The following PSG1 variants were observed in gnomAD, a reference collection of about 807,000 sequenced individuals.
PSG1 encodes the protein pregnancy specific beta-1-glycoprotein 1.
Under a neutral mutation model 41.4 loss-of-function variants are expected in PSG1, and 60 were observed. That is an observed-to-expected ratio of 1.45 (90% CI 1.18 to 1.80). The LOEUF (loss-of-function observed/expected upper bound fraction) is 1.80. Ranked by LOEUF, PSG1 falls within the 40% of genes most tolerant of loss-of-function variation. The probability of loss-of-function intolerance (pLI) is 0.00; values close to 1 mark genes in which losing one functional copy is unlikely to be tolerated. For missense variants in PSG1, 806 were observed against 516.9 expected, an observed-to-expected ratio of 1.56 and a Z score of -5.42; for synonymous variants, 256 against 192.9, an observed-to-expected ratio of 1.33 and a Z score of -2.71.
chr19:42,874,546 C>T lies in PSG1; in HGVS notation c.431-2501G>A, dbSNP rs184846201. On this transcript the variant is annotated intron_variant, in intron 2 of 5. Transcript: ENST00000436291. ...CATTTTTAGTAGAGACGGGGTTTCA[C>T]CATGTTAGCCAGGATGGTCTCTATC... 1.4e-4 allele frequency among the ~76,000 whole-genome samples: 21 copies of T among 151,770 alleles called. 1 individual carries two copies. The highest frequency in any genetic ancestry group is 5.1e-4 in the African/African-American group (21 of 41,382).
intron 1 of PSG1, among the ~76,000 whole-genome samples, chr19:42,878,893 A>G (rs1243635851): frequency 6.6e-6 from 1 of 151,172 alleles, no homozygotes; most frequent in East Asian, 2.0e-4. Context: ...TTTTTCCCCC[A>G]ATTGTTGAGG....
rs767240715 is a variant in PSG1, at chr19:42,871,859, C to A, written c.617G>T (p.Gly206Val). ...SETNRTLFLLGVTKYTAGPYE... is the reference protein window; with the variant it reads ...SETNRTLFLLVVTKYTAGPYE... ...GGGTCCTGCAGTATACTTTGTGACACCCAATAGAAAGAGGGTCCTGTTGGT... is the reference window on the plus strand; with the variant it reads ...GGGTCCTGCAGTATACTTTGTGACAACCAATAGAAAGAGGGTCCTGTTGGT... The change falls in exon 3 of 6, where the codon GGT becomes GTT. Residue 206 changes from glycine to valine, a missense_variant. Transcript: ENST00000436291. 4 of 1,612,478 alleles carry A rather than the reference C, an allele frequency of 2.5e-6. No homozygotes were observed. The South Asian group carries it at 3.3e-5, about 13-fold the overall frequency.
chr19:42,877,924 A>G lies in PSG1; in HGVS notation c.419T>C (p.Phe140Ser). ...GTRGVTGRFT[F>S]TLHLETPKPS... ...GTGGAATCACTTACGGTGTAAGGTG[A>G]AGGTGAAACGTCCAGTTACTCCTCT... is the stretch of plus-strand genomic sequence containing the variant. Residue 140 changes from phenylalanine (F) to serine (S), a missense_variant, in exon 2 of 6, where the codon TTC becomes TCC. Physicochemically the swap from Phe to Ser is radical, Grantham distance 155. Transcript: ENST00000436291. 21 of 1,612,138 alleles carry G rather than the reference A, an allele frequency of 1.3e-5. 1 individual carries two copies. Among genetic ancestry groups the G allele is most frequent in the Non-Finnish European group, 1.8e-5 (21 of 1,179,008 alleles).
At position 42,868,938 on chromosome 19, in the gene PSG1, T is replaced by C; in HGVS notation, c.806A>G (p.Tyr269Cys). 5 of 1,610,608 alleles carry C rather than the reference T, an allele frequency of 3.1e-6. No homozygotes were observed. Among genetic ancestry groups the C allele is most frequent in the East Asian group, 2.2e-5 (1 of 44,810 alleles). ...NFTCEPKSEN[Y>C]TYIWWLNGQS... is the part of the protein sequence containing the mutation. Reference sequence around the variant, plus strand: ...ACCATTTAGCCACCAAATGTAGGTGTAGTTCTCACTCTTAGGTTCACAGGT... The same window carrying C: ...ACCATTTAGCCACCAAATGTAGGTGCAGTTCTCACTCTTAGGTTCACAGGT... The change falls in exon 4 of 6, where the codon TAC becomes TGC. Residue 269 changes from tyrosine (Y) to cysteine (C), a missense_variant. Transcript: ENST00000436291.
At position 42,866,662 on chromosome 19, in the gene PSG1, T is replaced by C. The variant is rs1426722725; in HGVS notation, c.*472A>G. 6.6e-6 allele frequency: 2 copies of C among 301,540 alleles called. No individual in the cohort carries two copies. Among genetic ancestry groups the C allele is most frequent in the Admixed American group, 4.5e-5 (1 of 22,190 alleles). 18.7% of individuals were successfully genotyped at this position (301,540 alleles called of 1,614,324 possible). On this transcript the variant is annotated 3_prime_UTR_variant, in exon 6 of 6. Coordinates refer to ENST00000436291, the MANE Select transcript of PSG1 (RefSeq NM_001184825.2). ...GGCAATATCTCTGTGTTCATTTCTA[T>C]TGGGAGCCCTGTATGCAAGGTGGAG...
At chr19:42,873,373 T>A (rs1429422379) in intron 2 of PSG1, among the ~76,000 whole-genome samples, 1 of 151,854 alleles carries the variant, frequency 6.6e-6, no homozygotes, top group Admixed American at 6.6e-5. Flanking sequence ...GTGTTGAGTT[T>A]TGAGCATTTC....
At chr19:42,869,932 A>G (rs1971309266) in intron 3 of PSG1, 2 of 151,736 alleles carry the variant, frequency 1.3e-5, no homozygotes, top group African/African-American at 2.4e-5. Flanking sequence ...TTTGATGGAT[A>G]TGAGACAAAT....
At position 42,872,182 on chromosome 19, in the gene PSG1, C is replaced by T. The variant is rs1971422688; in HGVS notation, c.431-137G>A. Reference sequence around the variant, plus strand: ...AAGCCCATGGCAGGTGTGTGTGATACAAGACAGATGCATGGCAATCTGAGG... The same window carrying T: ...AAGCCCATGGCAGGTGTGTGTGATATAAGACAGATGCATGGCAATCTGAGG... On this transcript the variant is annotated intron_variant, in intron 2 of 5. Coordinates refer to ENST00000436291, the MANE Select transcript of PSG1 (RefSeq NM_001184825.2). 4.7e-6 allele frequency: 6 copies of T among 1,288,012 alleles called. No homozygotes were observed. In the East Asian group the frequency reaches 1.4e-4, roughly 31 times the overall value. The allele number at this position is 1,288,012 out of a possible 1,614,324, so 79.8% of individuals were successfully genotyped here.
rs1378506452 is a variant in PSG1, at chr19:42,868,104, A to G, written c.1240T>C (p.Ser414Pro). ...AACGATGCTGGGATCCACTTACCAG[A>G]GACTTCGACTGTCATGGATTTGGAG... The part of the protein sequence containing the change: ...ESSKSMTVEV[S>P]DWTVP Residue 414 changes from serine to proline, a missense_variant, in exon 5 of 6, where the codon TCT (serine) becomes CCT (proline). By Grantham distance (74) the Ser-to-Pro change is moderately conservative (BLOSUM62 -1). Coordinates refer to ENST00000436291, the MANE Select transcript of PSG1 (RefSeq NM_001184825.2). 5.0e-6 allele frequency: 8 copies of G among 1,612,350 alleles called. No individual in the cohort carries two copies. The highest frequency in any genetic ancestry group is 6.8e-6 in the Non-Finnish European group (8 of 1,179,124).
chr19:42,877,331 A>C (rs1971650416), intron 2 of PSG1, among the ~76,000 whole-genome samples: 3 of 151,608 alleles, frequency 2.0e-5, no homozygotes, highest in Admixed American at 6.6e-5. Context: ...TATCAGGTGA[A>C]GAAAGCTCTG....
chr19:42,876,378 G>A (rs893693651), intron 2 of PSG1, among the ~76,000 whole-genome samples: 1 of 151,374 alleles, frequency 6.6e-6, no homozygotes, highest in Non-Finnish European at 1.5e-5. Flanking sequence ...CATGAGGTGG[G>A]GTGGCTTTAG....
chr19:42,867,875 T>C (rs1971199004), intron 5 of PSG1: 1 of 1,375,704 alleles, frequency 7.3e-7, no homozygotes, highest in Non-Finnish European at 9.9e-7. Context: ...ATGAAATCAA[T>C]GTTCTTCCTG....
At chr19:42,872,883 A>T (rs1971454029) in intron 2 of PSG1, among the ~76,000 whole-genome samples, 1 of 151,878 alleles carries the variant, frequency 6.6e-6, no homozygotes. Flanking sequence ...AAGGGCGATC[A>T]TGAACTGATG....
At chr19:42,873,753 A>T (rs1236479267) in intron 2 of PSG1, among the ~76,000 whole-genome samples, 1 of 151,680 alleles carries the variant, frequency 6.6e-6, no homozygotes, top group Non-Finnish European at 1.5e-5. Context: ...GGGAGAAAGG[A>T]TGTCAAATTA....
chr19:42,878,955 G>A (rs1280703817), intron 1 of PSG1, among the ~76,000 whole-genome samples: 1 of 151,292 alleles, frequency 6.6e-6, no homozygotes, highest in African/African-American at 2.4e-5. Context: ...TATTTGAGGT[G>A]TCATCTGCTA....
rs187185149 is a variant in PSG1 at position 42,871,008 on chromosome 19, G to T, written c.709+759C>A. Among the ~76,000 whole-genome samples, 26 of 151,610 alleles carry T rather than the reference G, an allele frequency of 1.7e-4. No individual in the cohort carries two copies. In the East Asian group the frequency reaches 2.5e-3, roughly 15 times the overall value. ...AACATATTCCCTGTCCTGGGTTTTT[G>T]ATTTTCCCTCTCCCTTTGCAGAGGG... On this transcript the variant is annotated intron_variant, in intron 3 of 5. Coordinates refer to ENST00000436291, the MANE Select transcript of PSG1 (RefSeq NM_001184825.2).
chr19:42,871,684 C>A (rs922789884), intron 3 of PSG1, 83 bp downstream of exon 3: 1 of 1,612,010 alleles, frequency 6.2e-7, no homozygotes, highest in African/African-American at 1.3e-5. Context: ...TGTATTGGAC[C>A]TGAGAGGGAC....
intron 5 of PSG1, chr19:42,867,374 A>T (rs1971175524): frequency 1.7e-6 from 1 of 584,962 alleles, no homozygotes. Context: ...TGGACCATGT[A>T]GGCTGTCTTC....
At position 42,867,124 on chromosome 19, in the gene PSG1, C is replaced by G. The variant is rs1568412912; in HGVS notation, c.*10G>C. The G allele has an allele frequency of 3.9e-6, 3 of 771,918 alleles. 1 individual carries two copies. Among genetic ancestry groups the G allele is most frequent in the Non-Finnish European group, 7.2e-6 (3 of 417,514 alleles). 47.8% of individuals were successfully genotyped at this position (771,918 alleles called of 1,614,324 possible). The stretch of plus-strand genomic sequence containing the variant: ...ATGGGAGAAAATGGAATTGGAGGTA[C>G]TAGTAGAATTCAGGGAACTGTCCAG... On this transcript the variant is annotated 3_prime_UTR_variant, in exon 6 of 6. Transcript: ENST00000436291.
Sources: gnomAD v4.1 joint callset for allele counts (sites outside exome capture counted in the v4.1 genomes callset) on GRCh38, gnomAD v4.1.1 for gene constraint, MANE v1.5 for transcripts, NCBI Gene and HGNC (gene_info 2026-07-23, HGNC 2026-07-21) for gene names.